ST8SIA2: variants seen among roughly 807,000 people sequenced by gnomAD.
ST8SIA2 encodes the protein ST8 alpha-N-acetyl-neuraminide alpha-2,8-sialyltransferase 2.
A neutral mutation model predicts 37.6 loss-of-function variants in ST8SIA2; 22 were observed. That is an observed-to-expected ratio of 0.58 (90% confidence interval 0.42 to 0.83). ST8SIA2 has a LOEUF of 0.83. Ranked by LOEUF, ST8SIA2 falls within the 40% of genes least tolerant of loss-of-function variation. The probability of loss-of-function intolerance (pLI) is 0.00; values close to 1 mark genes in which losing one functional copy is unlikely to be tolerated. For synonymous variants in ST8SIA2, 205 were observed against 201.2 expected, an observed-to-expected ratio of 1.02 and a Z score of -0.16; for missense variants, 382 against 484.7, an observed-to-expected ratio of 0.79 and a Z score of 1.99.
At chr15:92,396,084 C>A (rs917616405) in intron 1 of ST8SIA2, among the ~76,000 whole-genome samples, 9 of 152,228 alleles carry the variant, frequency 5.9e-5, no homozygotes, top group African/African-American at 1.9e-4. Context: ...CTCCCTGCTT[C>A]TTTTTATCCT....
chr15:92,445,837 C>T (rs1013582528), intron 5 of ST8SIA2, among the ~76,000 whole-genome samples: 2 of 152,182 alleles, frequency 1.3e-5, no homozygotes, highest in Admixed American at 1.3e-4. Flanking sequence ...CATTCTTAAA[C>T]AGCCCCAGCC....
At chr15:92,397,450 TTGAGC>T (rs1243687108) in intron 1 of ST8SIA2, among the ~76,000 whole-genome samples, 1 of 152,204 alleles carries the variant, frequency 6.6e-6, no homozygotes, top group Non-Finnish European at 1.5e-5. Context: ...CTTGCTCTCA[TTGAGC>T]TGGAGCTGAC....
chr15:92,397,881 C>A (rs566986177), intron 1 of ST8SIA2, among the ~76,000 whole-genome samples: 1 of 152,146 alleles, frequency 6.6e-6, no homozygotes, highest in Non-Finnish European at 1.5e-5. Context: ...GCCTGTAATC[C>A]CAACACTTTG....
intron 1 of ST8SIA2, among the ~76,000 whole-genome samples, chr15:92,411,806 T>G (rs2049551464): frequency 6.6e-6 from 1 of 152,140 alleles, no homozygotes; most frequent in Non-Finnish European, 1.5e-5. Flanking sequence ...TCTGAAGCCC[T>G]CTGGGGGAGA....
intron 1 of ST8SIA2, among the ~76,000 whole-genome samples, chr15:92,402,648 G>C (rs2049479835): frequency 6.6e-6 from 1 of 152,182 alleles, no homozygotes; most frequent in South Asian, 2.1e-4. Flanking sequence ...TGGAGCCCAG[G>C]CCATAATGGG....
At chr15:92,404,149 G>A (rs2049490509) in intron 1 of ST8SIA2, among the ~76,000 whole-genome samples, 1 of 152,196 alleles carries the variant, frequency 6.6e-6, no homozygotes, top group Admixed American at 6.5e-5. Context: ...CCAACCTGGG[G>A]CCTTACGTTT....
chr15:92,442,882 C>T (rs1402378166), intron 4 of ST8SIA2, among the ~76,000 whole-genome samples: 1 of 152,120 alleles, frequency 6.6e-6, no homozygotes, highest in Non-Finnish European at 1.5e-5. Context: ...GATCTTGACT[C>T]CTGGTGGTTC....
At chr15:92,449,439 C>G (rs1001362791) in intron 5 of ST8SIA2, among the ~76,000 whole-genome samples, 1 of 152,184 alleles carries the variant, frequency 6.6e-6, no homozygotes, top group African/African-American at 2.4e-5. Flanking sequence ...ATTCCATGTC[C>G]TTGCTATTGT....
chr15:92,452,889 A>G (rs1375430389), intron 5 of ST8SIA2, among the ~76,000 whole-genome samples: 1 of 152,174 alleles, frequency 6.6e-6, no homozygotes, highest in Non-Finnish European at 1.5e-5. Flanking sequence ...TTTACAGAAC[A>G]TCAACATATG....
At chr15:92,396,937 T>G (rs1197317819) in intron 1 of ST8SIA2, among the ~76,000 whole-genome samples, 3 of 152,190 alleles carry the variant, frequency 2.0e-5, no homozygotes, top group Non-Finnish European at 4.4e-5. Flanking sequence ...CCTGGAGACC[T>G]CGAATCATAC....
chr15:92,422,975 C>G (rs2049647868), intron 1 of ST8SIA2, among the ~76,000 whole-genome samples: 1 of 152,230 alleles, frequency 6.6e-6, no homozygotes, highest in Non-Finnish European at 1.5e-5. Flanking sequence ...TCAAATGCCA[C>G]ATCTTCTGAT....
intron 4 of ST8SIA2, 92 bp from the exon 5 acceptor site, chr15:92,444,541 AAAG>A: frequency 6.6e-7 from 1 of 1,516,946 alleles, no homozygotes; most frequent in Non-Finnish European, 9.1e-7. Context: ...TGGGGATGAG[AAAG>A]AAGCAAGGAG....
At chr15:92,458,398 A>T (rs1469446780) in intron 5 of ST8SIA2, among the ~76,000 whole-genome samples, 1 of 152,166 alleles carries the variant, frequency 6.6e-6, no homozygotes, top group Non-Finnish European at 1.5e-5. Flanking sequence ...GTTACCAGAG[A>T]TGCCAGGAGA....
intron 2 of ST8SIA2, among the ~76,000 whole-genome samples, chr15:92,432,283 C>A (rs558768156): frequency 6.6e-6 from 1 of 152,128 alleles, no homozygotes; most frequent in East Asian, 1.9e-4. Flanking sequence ...GGGGTGAAGC[C>A]GCTAATTCTG....
chr15:92,434,441 C>A, intron 3 of ST8SIA2, 66 bp downstream of exon 3: 3 of 1,606,624 alleles, frequency 1.9e-6, no homozygotes, highest in Non-Finnish European at 2.6e-6. Context: ...CAAATTGCTT[C>A]TCTTCGTCAT....
At chr15:92,461,060 C>T (rs1486728712) in intron 5 of ST8SIA2, among the ~76,000 whole-genome samples, 1 of 152,162 alleles carries the variant, frequency 6.6e-6, no homozygotes, top group African/African-American at 2.4e-5. Flanking sequence ...TGAAATGGGC[C>T]TTTCAAACGA....
chr15:92,453,238 G>T (rs1305933121), intron 5 of ST8SIA2, among the ~76,000 whole-genome samples: 1 of 152,106 alleles, frequency 6.6e-6, no homozygotes, highest in Non-Finnish European at 1.5e-5. Flanking sequence ...ACACCCAAAG[G>T]ATGCTAATTA....
At chr15:92,430,759 TG>T (rs1250142943) in intron 2 of ST8SIA2, among the ~76,000 whole-genome samples, 1 of 152,176 alleles carries the variant, frequency 6.6e-6, no homozygotes, top group Non-Finnish European at 1.5e-5. Flanking sequence ...AGCTATGGCC[TG>T]TAGTCTTATA....
intron 1 of ST8SIA2, among the ~76,000 whole-genome samples, chr15:92,402,877 CTG>C (rs2049481917): frequency 6.6e-6 from 1 of 151,772 alleles, no homozygotes; most frequent in Non-Finnish European, 1.5e-5. Flanking sequence ...GAGAGACACA[CTG>C]AGAGAGAAGA....
Sources: gnomAD v4.1 joint callset for allele counts (sites outside exome capture counted in the v4.1 genomes callset) on GRCh38, gnomAD v4.1.1 for gene constraint, MANE v1.5 for transcripts, NCBI Gene and HGNC (gene_info 2026-07-23, HGNC 2026-07-21) for gene names.